LSAMP: variants seen among roughly 807,000 people sequenced by gnomAD.
LSAMP encodes the protein limbic system associated membrane protein, also known as limbic system-associated membrane protein.
A neutral mutation model predicts 38.6 loss-of-function variants in LSAMP; 7 were observed. The ratio of observed to expected loss-of-function variants is 0.18; its 90% CI spans 0.10 to 0.34. LSAMP has a LOEUF of 0.34. Among genes scored for constraint, LSAMP ranks in the 10% least tolerant of loss-of-function variants. LSAMP has a pLI of 1.00. For missense variants in LSAMP, 313 were observed against 420.0 expected (o/e 0.75, Z 2.23); for synonymous variants, 154 against 166.8 (o/e 0.92, Z 0.59).
intron 1 of LSAMP, among the ~76,000 whole-genome samples, chr3:116,193,076 C>T (rs1343627099): frequency 4.6e-5 from 7 of 152,152 alleles, no homozygotes; most frequent in Non-Finnish European, 5.9e-5. Context: ...CTTTACTTTT[C>T]TAATGCTTTA....
chr3:116,283,807 A>G (rs1354147100), intron 1 of LSAMP, among the ~76,000 whole-genome samples: 2 of 152,082 alleles, frequency 1.3e-5, no homozygotes, highest in Non-Finnish European at 2.9e-5. Context: ...AGATAGTCTC[A>G]CCAGCCTGGG....
intron 1 of LSAMP, among the ~76,000 whole-genome samples, chr3:116,434,617 G>T (rs185173891): frequency 6.6e-6 from 1 of 152,092 alleles, no homozygotes; most frequent in Admixed American, 6.5e-5. Context: ...GCAGTGGCGC[G>T]ATCTCGGCTC....
At chr3:115,883,528 TG>T (rs1483108903) in intron 3 of LSAMP, among the ~76,000 whole-genome samples, 2 of 152,020 alleles carry the variant, frequency 1.3e-5, no homozygotes, top group Admixed American at 6.6e-5. Context: ...CTGAATGCAC[TG>T]GAAGGGATGG....
At chr3:116,080,569 T>C (rs538536167) in intron 2 of LSAMP, among the ~76,000 whole-genome samples, 43 of 152,236 alleles carry the variant, frequency 2.8e-4, no homozygotes, top group Non-Finnish European at 6.0e-4. Context: ...AGGTTAAAAC[T>C]GCATGAGGCA....
chr3:116,258,768 C>CAGAT (rs1180087627), intron 1 of LSAMP, among the ~76,000 whole-genome samples: 1 of 152,064 alleles, frequency 6.6e-6, no homozygotes, highest in Non-Finnish European at 1.5e-5. Flanking sequence ...TTGTTATTTT[C>CAGAT]AGATAGGCAC....
intron 1 of LSAMP, among the ~76,000 whole-genome samples, chr3:116,261,102 G>A (rs1324371812): frequency 6.6e-6 from 1 of 152,066 alleles, no homozygotes; most frequent in Non-Finnish European, 1.5e-5. Context: ...TTATTCCTTT[G>A]CCTCCTTAGT....
chr3:116,440,662 A>G (rs913886733), intron 1 of LSAMP, among the ~76,000 whole-genome samples: 3 of 152,236 alleles, frequency 2.0e-5, no homozygotes, highest in African/African-American at 7.2e-5. Flanking sequence ...AAATGTATAT[A>G]ATATGCCATA....
chr3:116,280,243 G>A (rs1391623479), intron 1 of LSAMP, among the ~76,000 whole-genome samples: 1 of 152,164 alleles, frequency 6.6e-6, no homozygotes, highest in Non-Finnish European at 1.5e-5. Context: ...CATGATAACT[G>A]AGTGAAGAAA....
At chr3:115,865,929 A>T (rs1349350871) in intron 3 of LSAMP, among the ~76,000 whole-genome samples, 1 of 152,188 alleles carries the variant, frequency 6.6e-6, no homozygotes, top group Non-Finnish European at 1.5e-5. Context: ...GAGAATCAAC[A>T]TTCTGCCTTG....
intron 3 of LSAMP, among the ~76,000 whole-genome samples, chr3:115,945,505 AAAGGTCACAC>A (rs1416713504): frequency 6.6e-6 from 1 of 152,116 alleles, no homozygotes; most frequent in Admixed American, 6.6e-5. Context: ...AGTAAATACC[AAAGGTCACAC>A]AACTTTGAAG....
At chr3:115,816,729 TCTC>T in intron 6 of LSAMP, 3 of 733,886 alleles carry the variant, frequency 4.1e-6, no homozygotes, top group Non-Finnish European at 6.0e-6. Flanking sequence ...AATCTGATAT[TCTC>T]CACTGAAAGG....
At chr3:116,097,053 G>A (rs796505266) in intron 1 of LSAMP, among the ~76,000 whole-genome samples, 15 of 152,250 alleles carry the variant, frequency 9.9e-5, no homozygotes, top group African/African-American at 3.6e-4. Flanking sequence ...AACTGCCTTT[G>A]GTTGTACCTT....
At chr3:116,346,073 T>G (rs1198550451) in intron 1 of LSAMP, among the ~76,000 whole-genome samples, 1 of 152,184 alleles carries the variant, frequency 6.6e-6, no homozygotes, top group Non-Finnish European at 1.5e-5. Context: ...AGTGTCTGGG[T>G]GCAAATTATT....
chr3:116,017,982 G>C (rs1940532900), intron 3 of LSAMP, among the ~76,000 whole-genome samples: 1 of 152,140 alleles, frequency 6.6e-6, no homozygotes, highest in African/African-American at 2.4e-5. Flanking sequence ...CATCCAAGTA[G>C]AACGTGCTCT....
intron 3 of LSAMP, among the ~76,000 whole-genome samples, chr3:115,995,509 T>C (rs1204068728): frequency 6.6e-6 from 1 of 152,062 alleles, no homozygotes; most frequent in Non-Finnish European, 1.5e-5. Context: ...TTAATACCAA[T>C]TTCTAATGAT....
chr3:115,919,697 T>G (rs1309481173), intron 3 of LSAMP, among the ~76,000 whole-genome samples: 1 of 152,152 alleles, frequency 6.6e-6, no homozygotes, highest in Non-Finnish European at 1.5e-5. Flanking sequence ...CTGCAACCTC[T>G]GTCTCCCGGG....
chr3:116,331,831 C>CTTTCT (rs377630162), intron 1 of LSAMP, among the ~76,000 whole-genome samples: 50 of 152,012 alleles, frequency 3.3e-4, no homozygotes, highest in East Asian at 1.9e-3. Flanking sequence ...TATTTTCTTT[C>CTTTCT]TTTCTTTTCT....
At chr3:116,202,599 C>T (rs763939636) in intron 1 of LSAMP, among the ~76,000 whole-genome samples, 2 of 152,056 alleles carry the variant, frequency 1.3e-5, no homozygotes, top group Non-Finnish European at 2.9e-5. Flanking sequence ...TGTGAGCCAC[C>T]ACACACAGCT....
At chr3:116,350,725 GA>G (rs538369293) in intron 1 of LSAMP, among the ~76,000 whole-genome samples, 38 of 151,900 alleles carry the variant, frequency 2.5e-4, no homozygotes, top group Middle Eastern at 3.4e-3. Context: ...TCCTTAACAT[GA>G]AAAGGTGAAA....
Sources: allele counts gnomAD v4.1 joint callset (sites outside exome capture counted in the v4.1 genomes callset), GRCh38; gene constraint gnomAD v4.1.1; transcripts MANE v1.5; gene names NCBI Gene and HGNC (gene_info 2026-07-23, HGNC 2026-07-21).